The following DOP1B variants were observed in gnomAD, a reference collection of about 807,000 sequenced individuals.
DOP1B encodes the protein DOP1 leucine zipper like protein B, also known as protein DOP1B.
A neutral mutation model predicts 233.5 loss-of-function variants in DOP1B; 174 were observed. That is an observed-to-expected ratio of 0.75 (90% CI 0.66 to 0.85). DOP1B has a LOEUF of 0.85. Among genes scored for constraint, DOP1B ranks in the 40% least tolerant of loss-of-function variants. The pLI, the probability that DOP1B is intolerant of heterozygous loss-of-function variation, is 0.00. For missense variants in DOP1B, 2,652 were observed against 2,846.6 expected (o/e 0.93, Z 1.56); for synonymous variants, 1,190 against 1,185.6 (o/e 1.00, Z -0.08).
chr21:36,176,483 T>C (rs2123420492), intron 2 of DOP1B, among the ~76,000 whole-genome samples: 1 of 152,138 alleles, frequency 6.6e-6, no homozygotes, highest in Non-Finnish European at 1.5e-5. Context: ...TGTTAGAGCG[T>C]GACACCTAAA....
chr21:36,201,906 C>T (rs940029386), intron 4 of DOP1B, among the ~76,000 whole-genome samples: 9 of 151,812 alleles, frequency 5.9e-5, no homozygotes, highest in South Asian at 4.2e-4. Flanking sequence ...TGAGTATGGC[C>T]GGGCACGGTG....
At chr21:36,262,480 C>T (rs1422657218) in intron 24 of DOP1B, among the ~76,000 whole-genome samples, 3 of 152,118 alleles carry the variant, frequency 2.0e-5, no homozygotes, top group African/African-American at 7.2e-5. Context: ...AGCTACAGAG[C>T]GGGGTAGGCC....
At position 36,230,508 on chromosome 21, in the gene DOP1B, G is replaced by A; in HGVS notation, c.1724G>A (p.Gly575Asp). 2 of 1,613,618 alleles carry A rather than the reference G, an allele frequency of 1.2e-6. No homozygotes were observed. The highest frequency in any genetic ancestry group is 1.7e-6 in the Non-Finnish European group (2 of 1,179,540). ...IILETKAVIP[G>D]DEDASFPPLK... ...TTGGAAACAAAGGCAGTGATTCCCGGTGACGAAGATGCTTCGTTTCCCCCT... is the reference window on the plus strand; with the variant it reads ...TTGGAAACAAAGGCAGTGATTCCCGATGACGAAGATGCTTCGTTTCCCCCT... The change falls in exon 14 of 37, where the codon GGT becomes GAT. Residue 575 changes from glycine (G) to aspartate (D), a missense_variant. Around this residue, in one of 3 missense-constraint regions of DOP1B, gnomAD observed 2,617 missense variants for 2,794.3 expected, o/e 0.94. Transcript: ENST00000691173.
chr21:36,290,114 TGTTGATAATACGGCAGGC>T (rs1300641636), intron 35 of DOP1B, among the ~76,000 whole-genome samples: 1 of 152,196 alleles, frequency 6.6e-6, no homozygotes, highest in Non-Finnish European at 1.5e-5. Flanking sequence ...TGGTGCAGGA[TGTTGATAATACGGCAGGC>T]TTGTATGTAT....
intron 24 of DOP1B, chr21:36,261,765 C>A: frequency 1.5e-6 from 1 of 684,764 alleles, no homozygotes; most frequent in Non-Finnish European, 1.8e-6. Context: ...AAAAATTAGC[C>A]AGGGCTTGGT....
chr21:36,215,644 A>G lies in DOP1B; in HGVS notation c.1129+1088A>G, dbSNP rs113275535. ...GGTCTCAAACTCCTGACCTCAAGTG[A>G]TCCACCTGCCTCGGCCTCCCAAAGT... is the stretch of plus-strand genomic sequence containing the variant. On this transcript the variant is annotated intron_variant, in intron 9 of 36. Coordinates refer to ENST00000691173, the MANE Select transcript of DOP1B (RefSeq NM_001320714.2). 6.0e-3 allele frequency among the ~76,000 whole-genome samples: 904 copies of G among 151,222 alleles called. 7 individuals are homozygous for G. Among genetic ancestry groups the G allele is most frequent in the African/African-American group, 0.021 (859 of 41,294 alleles).
intron 2 of DOP1B, among the ~76,000 whole-genome samples, chr21:36,183,106 A>G (rs1421669615): frequency 6.6e-6 from 1 of 152,126 alleles, no homozygotes; most frequent in East Asian, 1.9e-4. Context: ...GTCATAGCTC[A>G]CTACAGCCTC....
At chr21:36,159,924 G>A (rs1028997) in intron 1 of DOP1B, among the ~76,000 whole-genome samples, 59,006 of 152,006 alleles carry the variant, frequency 0.39, 11,784 homozygotes, top group South Asian at 0.5. Context: ...TCCACCCTCT[G>A]ACACTTACGT....
intron 2 of DOP1B, among the ~76,000 whole-genome samples, chr21:36,174,047 A>G (rs954253032): frequency 6.6e-6 from 1 of 152,154 alleles, no homozygotes; most frequent in South Asian, 2.1e-4. Context: ...GTTAGCTACA[A>G]GCACCTCCTG....
chr21:36,219,202 C>A (rs956375536), intron 9 of DOP1B, among the ~76,000 whole-genome samples, 170 bp from the exon 10 acceptor site: 7 of 152,142 alleles, frequency 4.6e-5, no homozygotes, highest in Non-Finnish European at 1.0e-4. Context: ...AATGTTGTTT[C>A]CCCAGCTAAA....
intron 7 of DOP1B, among the ~76,000 whole-genome samples, chr21:36,213,355 C>T (rs1332655620): frequency 6.6e-6 from 1 of 152,106 alleles, no homozygotes; most frequent in Non-Finnish European, 1.5e-5. Context: ...CCAGGAGCCC[C>T]ATATTCTTTG....
intron 32 of DOP1B, among the ~76,000 whole-genome samples, chr21:36,284,874 ATATTTGTAT>A (rs2067465288): frequency 6.7e-6 from 1 of 150,202 alleles, no homozygotes; most frequent in East Asian, 1.9e-4. Flanking sequence ...TGTAATTATT[ATATTTGTAT>A]TATATTGACA....
chr21:36,232,869 G>A lies in DOP1B; in HGVS notation c.2416G>A (p.Asp806Asn). 6.2e-7 allele frequency: 1 copy of A among 1,613,842 alleles called. No individual in the cohort carries two copies. Among genetic ancestry groups the A allele is most frequent in the Non-Finnish European group, 8.5e-7 (1 of 1,179,982 alleles). The change falls in exon 15 of 37, where the codon GAC becomes AAC. Residue 806 changes from aspartate (D) to asparagine (N), a missense_variant. Coordinates refer to ENST00000691173, the MANE Select transcript of DOP1B (RefSeq NM_001320714.2). The part of the protein sequence containing the change: ...SLMTICCCVT[D>N]CYLQNVAIST... ...CATGACTATTTGCTGCTGTGTGACT[G>A]ACTGCTACCTCCAGAACGTGGCCAT...
chr21:36,192,308 A>G (rs1196131725), intron 2 of DOP1B, among the ~76,000 whole-genome samples: 1 of 151,606 alleles, frequency 6.6e-6, no homozygotes, highest in Non-Finnish European at 1.5e-5. Flanking sequence ...GCAGTGAGCC[A>G]AGATCACACC....
chr21:36,176,087 G>GGTGTGTGTGCGTGTGTGTGTGT (rs1555886130), intron 2 of DOP1B, among the ~76,000 whole-genome samples: 3 of 96,534 alleles, frequency 3.1e-5, no homozygotes, highest in East Asian at 2.8e-4. Context: ...TCGACTTTGG[G>GGTGTGTGTGCGTGTGTGTGTGT]GTGTGTGTGC....
chr21:36,261,598 C>CT (rs1369218888), intron 24 of DOP1B: 1 of 985,180 alleles, frequency 1.0e-6, no homozygotes, highest in African/African-American at 1.7e-5. Flanking sequence ...AGGTGCAGCT[C>CT]TGTGTTGCAG....
chr21:36,276,840 CAAAAAAAAA>C (rs57389991), intron 27 of DOP1B, among the ~76,000 whole-genome samples, 172 bp from the exon 28 acceptor site: 2 of 106,262 alleles, frequency 1.9e-5, no homozygotes, highest in Non-Finnish European at 3.9e-5. Flanking sequence ...GACTCCATCT[CAAAAAAAAA>C]AAAAAAAAAA....
rs2066456643 is a variant in DOP1B, at chr21:36,208,648, G to C, written c.492-67G>C. 4.6e-6 allele frequency: 7 copies of C among 1,513,414 alleles called. No individual in the cohort carries two copies. In the South Asian group the frequency reaches 8.5e-5, roughly 18 times the overall value. The allele number at this position is 1,513,414 out of a possible 1,614,324, so 93.7% of individuals were successfully genotyped here. A position where few individuals can be genotyped will look rare whatever the true frequency, so the allele number is the denominator to read the frequency against. On this transcript the variant is annotated intron_variant, in intron 4 of 36. Coordinates refer to ENST00000691173, the MANE Select transcript of DOP1B (RefSeq NM_001320714.2). ...TGTGGTTCTTCATGCAGCATTCGCA[G>C]AGCAGTGTGCAGTGGGACTCGGGAA...
At chr21:36,266,876 C>G (rs768768721) in intron 26 of DOP1B, among the ~76,000 whole-genome samples, 2 of 152,232 alleles carry the variant, frequency 1.3e-5, no homozygotes, top group Non-Finnish European at 2.9e-5. Context: ...CACCCGTCCA[C>G]TCAGTGCTTT....
Sources: allele counts gnomAD v4.1 joint callset (sites outside exome capture counted in the v4.1 genomes callset), GRCh38; gene constraint gnomAD v4.1.1; regional missense constraint gnomAD v4.1.1; transcripts MANE v1.5; gene names NCBI Gene and HGNC (gene_info 2026-07-23, HGNC 2026-07-21).